The following ZFHX3 variants were observed in gnomAD, a reference collection of about 807,000 sequenced individuals.
ZFHX3 encodes the protein zinc finger homeobox protein 3.
A neutral mutation model predicts 279.1 loss-of-function variants in ZFHX3; 42 were observed. The ratio of observed to expected loss-of-function variants is 0.15; its 90% CI spans 0.12 to 0.19. The LOEUF (loss-of-function observed/expected upper bound fraction) is 0.19, where lower values mean the gene tolerates loss of function less well. Among genes scored for constraint, ZFHX3 ranks in the 10% least tolerant of loss-of-function variants. The pLI is 1.00. For missense variants in ZFHX3, 4,981 were observed against 4,754.0 expected, an observed-to-expected ratio of 1.05 and a Z score of -1.40; for synonymous variants, 2,293 against 1,957.8, an observed-to-expected ratio of 1.17 and a Z score of -4.52.
chr16:73,686,149 G>A (rs2053080950), intron 1 of ZFHX3, among the ~76,000 whole-genome samples: 2 of 152,146 alleles, frequency 1.3e-5, no homozygotes, highest in Non-Finnish European at 2.9e-5. Context: ...AGGCTGGAGT[G>A]CAGTGGCGTG....
At chr16:73,542,785 AT>A (rs201932181) in intron 2 of ZFHX3, among the ~76,000 whole-genome samples, 223 of 148,226 alleles carry the variant, frequency 1.5e-3, no homozygotes, top group African/African-American at 5.2e-3. Context: ...CTAAAAAAAA[AT>A]ATCATGTATC....
intron 1 of ZFHX3, among the ~76,000 whole-genome samples, chr16:73,852,794 C>A (rs917074482): frequency 6.6e-6 from 1 of 152,108 alleles, no homozygotes; most frequent in Non-Finnish European, 1.5e-5. Context: ...TTGCACATTG[C>A]GACATTTGCT....
At chr16:72,904,958 A>T (rs2039134386) in intron 3 of ZFHX3, among the ~76,000 whole-genome samples, 1 of 152,044 alleles carries the variant, frequency 6.6e-6, no homozygotes, top group Non-Finnish European at 1.5e-5. Flanking sequence ...CAGCCTCCTA[A>T]GTAGCTAAGA....
intron 2 of ZFHX3, among the ~76,000 whole-genome samples, chr16:73,536,411 G>T (rs112508047): frequency 0.014 from 2,060 of 152,288 alleles, 17 homozygotes; most frequent in Middle Eastern, 0.02. Context: ...TACCCAAAAA[G>T]TCATCATTCG....
chr16:73,303,748 T>C (rs1002318580), intron 4 of ZFHX3, among the ~76,000 whole-genome samples: 2 of 151,876 alleles, frequency 1.3e-5, no homozygotes, highest in Admixed American at 6.6e-5. Flanking sequence ...CCTTATATAC[T>C]CCATCTCTCT....
In ZFHX3 at chr16:72,930,246, AATAAT is replaced by A. The variant is rs928358525; in HGVS notation, c.3216+20218_3216+20222del. On this transcript the variant is annotated intron_variant, in intron 3 of 9. Transcript: ENST00000268489. ...TAGATAAATAAATAAAATAAAATAA[AATAAT>A]ATACTTCATACTCTCCTAACAAACA... Among the ~76,000 whole-genome samples the A allele has an allele frequency of 2.0e-5, 3 of 152,226 alleles. No homozygotes were observed. In the South Asian group the frequency reaches 6.2e-4, roughly 32 times the overall value.
At chr16:73,473,396 G>A (rs2018710703) in intron 2 of ZFHX3, among the ~76,000 whole-genome samples, 2 of 150,058 alleles carry the variant, frequency 1.3e-5, no homozygotes, top group South Asian at 2.1e-4. Flanking sequence ...TATGTGAGCT[G>A]ACTTGTGTAT....
At chr16:73,781,838 T>C (rs957516515) in intron 1 of ZFHX3, among the ~76,000 whole-genome samples, 1 of 152,002 alleles carries the variant, frequency 6.6e-6, no homozygotes, top group African/African-American at 2.4e-5. Flanking sequence ...AATACAAAAA[T>C]TAGCTGAGTG....
At chr16:73,719,091 C>G (rs759431537) in intron 1 of ZFHX3, among the ~76,000 whole-genome samples, 3 of 152,230 alleles carry the variant, frequency 2.0e-5, no homozygotes, top group Non-Finnish European at 4.4e-5. Flanking sequence ...GGATTCAAAT[C>G]TCCCTGTGTA....
At chr16:72,851,537 T>C (rs2037617179) in intron 4 of ZFHX3, among the ~76,000 whole-genome samples, 1 of 152,102 alleles carries the variant, frequency 6.6e-6, no homozygotes, top group Non-Finnish European at 1.5e-5. Context: ...ACAAGGGTTC[T>C]GCACATTTTG....
At chr16:73,051,610 C>G (rs532747975), upstream of ZFHX3, among the ~76,000 whole-genome samples, 39 of 152,270 alleles carry the variant, frequency 2.6e-4, no homozygotes, top group African/African-American at 9.1e-4. Flanking sequence ...CCTTACCCAC[C>G]CTCCCCAGCT....
At chr16:73,298,217 ATT>A (rs764184367) in intron 4 of ZFHX3, among the ~76,000 whole-genome samples, 24 of 138,500 alleles carry the variant, frequency 1.7e-4, no homozygotes, top group South Asian at 2.3e-4. Context: ...AAAAATCAGA[ATT>A]TTTTTTTTTT....
intron 2 of ZFHX3, among the ~76,000 whole-genome samples, chr16:73,620,985 C>T (rs539425006): frequency 1.3e-5 from 2 of 152,310 alleles, no homozygotes; most frequent in South Asian, 4.1e-4. Flanking sequence ...TCTTCCTGCC[C>T]CTTGGTCTCC....
chr16:73,018,021 T>C (rs1964166649), intron 1 of ZFHX3, among the ~76,000 whole-genome samples: 1 of 151,646 alleles, frequency 6.6e-6, no homozygotes, highest in African/African-American at 2.4e-5. Context: ...GGTCTTGCTC[T>C]GTCACCCAGG....
At chr16:73,605,052 C>A (rs988624906) in intron 2 of ZFHX3, among the ~76,000 whole-genome samples, 1 of 152,174 alleles carries the variant, frequency 6.6e-6, no homozygotes, top group African/African-American at 2.4e-5. Context: ...GATTGCCCAA[C>A]AAGACCACAT....
intron 1 of ZFHX3, among the ~76,000 whole-genome samples, chr16:73,770,109 G>T (rs1309807520): frequency 6.6e-6 from 1 of 152,230 alleles, no homozygotes; most frequent in East Asian, 1.9e-4. Context: ...AAGGAATTGA[G>T]CTTGCTAATC....
At chr16:73,498,350 C>T (rs2019177141) in intron 2 of ZFHX3, among the ~76,000 whole-genome samples, 1 of 152,170 alleles carries the variant, frequency 6.6e-6, no homozygotes, top group Non-Finnish European at 1.5e-5. Context: ...ACATGTTTGA[C>T]ATCTTGATGT....
intron 2 of ZFHX3, among the ~76,000 whole-genome samples, chr16:72,954,861 C>T (rs1162835302): frequency 6.6e-6 from 1 of 152,110 alleles, no homozygotes; most frequent in Non-Finnish European, 1.5e-5. Context: ...AGGGCTCTGC[C>T]AAGGGAAGTA....
intron 1 of ZFHX3, among the ~76,000 whole-genome samples, chr16:73,820,722 C>T (rs1424554743): frequency 6.6e-6 from 1 of 151,978 alleles, no homozygotes; most frequent in Non-Finnish European, 1.5e-5. Context: ...CCACCAAGCT[C>T]TTGGGTAGTT....
Sources: allele counts gnomAD v4.1 joint callset (sites outside exome capture counted in the v4.1 genomes callset), GRCh38; gene constraint gnomAD v4.1.1; transcripts MANE v1.5; gene names NCBI Gene and HGNC (gene_info 2026-07-23, HGNC 2026-07-21).